The following HSD17B2 variants were observed in gnomAD, a reference collection of about 807,000 sequenced individuals.
HSD17B2 encodes the protein hydroxysteroid 17-beta dehydrogenase 2.
In HSD17B2, 32 loss-of-function variants were observed where a neutral mutation model predicts 26.9. The ratio of observed to expected loss-of-function variants is 1.19; its 90% confidence interval spans 0.90 to 1.60. The LOEUF is 1.60. HSD17B2 is among the 40% of genes most tolerant of loss of function. HSD17B2 has a pLI of 0.00. For missense variants in HSD17B2, 613 were observed against 468.6 expected, an observed-to-expected ratio of 1.31 and a Z score of -2.85; for synonymous variants, 246 against 186.7, an observed-to-expected ratio of 1.32 and a Z score of -2.59.
At chr16:82,072,027 A>T (rs1010817027) in intron 3 of HSD17B2, 1 of 152,106 alleles carries the variant, frequency 6.6e-6, no homozygotes, top group African/African-American at 2.4e-5. Context: ...TTTTTTTGGT[A>T]ATGTGAATAT....
chr16:82,068,196 T>C lies in HSD17B2; in HGVS notation c.292T>C (p.Leu98=). The change falls in exon 2 of 5, where the codon TTG becomes CTG. Residue 98 remains leucine, a synonymous_variant. Transcript: ENST00000199936. Reference sequence around the variant, plus strand: ...TGGTGATTGCGGGCTTGGCCATGCTTTGTGCAAGTATCTGGATGAGCTGGG... The same window carrying C: ...TGGTGATTGCGGGCTTGGCCATGCTCTGTGCAAGTATCTGGATGAGCTGGG... ...TGGDCGLGHA[L]CKYLDELGFT... 6.2e-7 allele frequency: 1 copy of C among 1,614,174 alleles called. No individual in the cohort carries two copies. Among genetic ancestry groups the C allele is most frequent in the Non-Finnish European group, 8.5e-7 (1 of 1,180,030 alleles).
chr16:82,038,770 G>T (rs143918083), intron 1 of HSD17B2, among the ~76,000 whole-genome samples: 2 of 152,276 alleles, frequency 1.3e-5, no homozygotes, highest in African/African-American at 4.8e-5. Context: ...AGATGGGCAG[G>T]GAAAAGGAAG....
chr16:82,098,274 T>C lies in HSD17B2; in HGVS notation c.1002T>C (p.Pro334=). The change falls in exon 5 of 5, where the codon CCT becomes CCC. Residue 334 remains proline (P), a synonymous_variant. Coordinates refer to ENST00000199936, the MANE Select transcript of HSD17B2 (RefSeq NM_002153.3). ...AGCATGCTATCTTGGCGAAGAGCCC[T>C]TTTGCCTATTACACGCCAGGGAAAG... ...DIQHAILAKS[P]FAYYTPGKGA... The C allele has an allele frequency of 6.2e-7, 1 of 1,614,196 alleles. No homozygotes were observed.
chr16:82,053,996 T>G (rs1914188484), intron 1 of HSD17B2, among the ~76,000 whole-genome samples: 1 of 152,142 alleles, frequency 6.6e-6, no homozygotes, highest in South Asian at 2.1e-4. Context: ...GTCAAGAGAT[T>G]ATGTGCTGGA....
chr16:82,067,395 C>A (rs967722259), intron 1 of HSD17B2, among the ~76,000 whole-genome samples: 1 of 152,230 alleles, frequency 6.6e-6, no homozygotes, highest in African/African-American at 2.4e-5. Context: ...CAGACATCAA[C>A]GTTTTGCACT....
At chr16:82,074,396 C>G (rs1011039142) in intron 3 of HSD17B2, among the ~76,000 whole-genome samples, 2 of 152,144 alleles carry the variant, frequency 1.3e-5, no homozygotes, top group Admixed American at 6.5e-5. Flanking sequence ...GCTACTAAAA[C>G]AGTAACAAGA....
chr16:82,072,847 GGA>G, intron 3 of HSD17B2, among the ~76,000 whole-genome samples: 1 of 152,176 alleles, frequency 6.6e-6, no homozygotes, highest in East Asian at 1.9e-4. Context: ...CTTCAGCCCA[GGA>G]GTTTGATACC....
At chr16:82,041,419 C>A (rs528172172) in intron 1 of HSD17B2, among the ~76,000 whole-genome samples, 7 of 152,236 alleles carry the variant, frequency 4.6e-5, no homozygotes, top group African/African-American at 1.7e-4. Context: ...AGTGACATGG[C>A]TGAGCTGTTG....
chr16:82,050,466 CT>C (rs1243489444), intron 1 of HSD17B2, among the ~76,000 whole-genome samples: 1 of 152,190 alleles, frequency 6.6e-6, no homozygotes, highest in Non-Finnish European at 1.5e-5. Flanking sequence ...TCTAGGGCTA[CT>C]CCCTGGCCTC....
At chr16:82,072,578 T>A (rs1255402622) in intron 3 of HSD17B2, among the ~76,000 whole-genome samples, 1 of 152,222 alleles carries the variant, frequency 6.6e-6, no homozygotes, top group African/African-American at 2.4e-5. Context: ...TTTTTTCCTC[T>A]GTTCTCAACT....
chr16:82,077,069 A>G (rs192274402), intron 3 of HSD17B2, among the ~76,000 whole-genome samples: 14 of 152,356 alleles, frequency 9.2e-5, no homozygotes, highest in African/African-American at 3.1e-4. Context: ...AAAAATCAAT[A>G]TTGTTAAAAC....
chr16:82,071,052 G>A lies in HSD17B2; in HGVS notation c.589G>A (p.Val197Met). Residue 197 changes from valine to methionine, a missense_variant, in exon 3 of 5, where the codon GTG becomes ATG. Transcript: ENST00000199936. ...CATGGCCGTGAACTTCTTTGGAACT[G>A]TGGAGGTCACAAAGACGTTTTTGCC... ...QCMAVNFFGT[V>M]EVTKTFLPLL... 1 of 1,614,150 alleles carries A rather than the reference G, an allele frequency of 6.2e-7. No individual in the cohort carries two copies. The highest frequency in any genetic ancestry group is 1.1e-5 in the South Asian group (1 of 91,088).
chr16:82,064,421 GGTTA>G (rs1475370452), intron 1 of HSD17B2, among the ~76,000 whole-genome samples: 21 of 152,066 alleles, frequency 1.4e-4, no homozygotes, highest in Non-Finnish European at 1.3e-4. Flanking sequence ...ATGGATGTTT[GGTTA>G]GTTTCTTTTT....
At chr16:82,054,052 G>T (rs984914588) in intron 1 of HSD17B2, among the ~76,000 whole-genome samples, 2 of 152,016 alleles carry the variant, frequency 1.3e-5, no homozygotes, top group African/African-American at 4.8e-5. Context: ...GCCTTCAACA[G>T]CATGTCTACA....
intron 3 of HSD17B2, among the ~76,000 whole-genome samples, chr16:82,079,214 C>A (rs1031257258): frequency 6.6e-6 from 1 of 152,082 alleles, no homozygotes; most frequent in Non-Finnish European, 1.5e-5. Context: ...CTGAAATGAT[C>A]GATTTTCCTC....
intron 3 of HSD17B2, among the ~76,000 whole-genome samples, chr16:82,080,378 T>C (rs1165283993): frequency 6.6e-6 from 1 of 152,098 alleles, no homozygotes; most frequent in African/African-American, 2.4e-5. Flanking sequence ...AGGGTCCTTA[T>C]AAGAAAGAGG....
At chr16:82,093,565 T>G (rs2142368632) in intron 4 of HSD17B2, 2 of 152,334 alleles carry the variant, frequency 1.3e-5, no homozygotes, top group East Asian at 3.9e-4. Context: ...TTCTGGTACA[T>G]GTACTTTGGT....
chr16:82,065,588 G>C (rs961331329), intron 1 of HSD17B2, among the ~76,000 whole-genome samples: 2 of 152,176 alleles, frequency 1.3e-5, no homozygotes, highest in African/African-American at 4.8e-5. Flanking sequence ...TCACCCAGCA[G>C]GGTGTGTATA....
At chr16:82,054,821 A>AT (rs968167660) in intron 1 of HSD17B2, among the ~76,000 whole-genome samples, 16 of 152,156 alleles carry the variant, frequency 1.1e-4, no homozygotes, top group African/African-American at 2.9e-4. Flanking sequence ...AAATATTTCT[A>AT]TTTTTTTTAA....
Sources: gnomAD v4.1 joint callset for allele counts (sites outside exome capture counted in the v4.1 genomes callset) on GRCh38, gnomAD v4.1.1 for gene constraint, MANE v1.5 for transcripts, NCBI Gene and HGNC (gene_info 2026-07-23, HGNC 2026-07-21) for gene names.